The following SMCHD1 variants were observed in gnomAD, a reference collection of about 807,000 sequenced individuals.
SMCHD1 encodes the protein structural maintenance of chromosomes flexible hinge domain containing 1.
Under a neutral mutation model 254.7 loss-of-function variants are expected in SMCHD1, and 78 were observed. The ratio of observed to expected loss-of-function variants is 0.31; its 90% CI spans 0.26 to 0.37. SMCHD1 has a LOEUF of 0.37. Ranked by LOEUF, SMCHD1 falls within the 10% of genes least tolerant of loss-of-function variation. The pLI, the probability that SMCHD1 is intolerant of heterozygous loss-of-function variation, is 1.00. For missense variants in SMCHD1, 1,840 were observed against 2,408.1 expected, an observed-to-expected ratio of 0.76 and a Z score of 4.94; for synonymous variants, 766 against 794.9, an observed-to-expected ratio of 0.96 and a Z score of 0.61.
intron 1 of SMCHD1, among the ~76,000 whole-genome samples, chr18:2,660,281 C>T (rs901051091): frequency 3.9e-5 from 6 of 152,054 alleles, no homozygotes; most frequent in African/African-American, 1.4e-4. Context: ...GCTGAGAACG[C>T]ACCGCTGCAC....
rs1216521311 is a variant in SMCHD1, at chr18:2,804,891, T to C, written c.*2339T>C. On this transcript the variant is annotated 3_prime_UTR_variant, in exon 48 of 48. Transcript: ENST00000320876. ...ATCCTGTGTTATGTGTTATATAATCTGAAATTTGTCACAATGTTACAATCA... is the reference window on the plus strand; with the variant it reads ...ATCCTGTGTTATGTGTTATATAATCCGAAATTTGTCACAATGTTACAATCA... 2 of 152,218 alleles carry C rather than the reference T, an allele frequency of 1.3e-5. No homozygotes were observed. Among genetic ancestry groups the C allele is most frequent in the Admixed American group, 1.3e-4 (2 of 15,290 alleles). The allele number at this position is 152,218 out of a possible 1,614,324, so 9.4% of individuals were successfully genotyped here.
chr18:2,776,024 C>A, intron 42 of SMCHD1, 100 bp downstream of exon 42: 3 of 1,054,208 alleles, frequency 2.8e-6, no homozygotes, highest in Non-Finnish European at 4.0e-6. Flanking sequence ...ATACCTAAAA[C>A]AGAGAATTGA....
At chr18:2,690,640 T>C (rs1046469370) in intron 7 of SMCHD1, among the ~76,000 whole-genome samples, 2 of 149,936 alleles carry the variant, frequency 1.3e-5, no homozygotes, top group Non-Finnish European at 3.0e-5. Context: ...CCTGGCTAAT[T>C]TTTTTCTTTT....
chr18:2,668,677 G>A (rs533078234), intron 3 of SMCHD1, among the ~76,000 whole-genome samples: 14 of 152,110 alleles, frequency 9.2e-5, no homozygotes, highest in Non-Finnish European at 1.0e-4. Flanking sequence ...CCAGAGAGTT[G>A]AATGCATTCG....
chr18:2,732,750 G>A (rs1296387599), intron 25 of SMCHD1, among the ~76,000 whole-genome samples: 2 of 152,066 alleles, frequency 1.3e-5, no homozygotes, highest in Non-Finnish European at 2.9e-5. Flanking sequence ...TTGTTTAGTT[G>A]TGCTCTTCCT....
At chr18:2,786,931 G>GTGAA (rs2076249560) in intron 45 of SMCHD1, among the ~76,000 whole-genome samples, 1 of 148,006 alleles carries the variant, frequency 6.8e-6, no homozygotes, top group African/African-American at 2.4e-5. Flanking sequence ...ACTTCATTGT[G>GTGAA]TGAATGAAAT....
At chr18:2,741,877 A>G (rs1267877803) in intron 28 of SMCHD1, among the ~76,000 whole-genome samples, 1 of 152,150 alleles carries the variant, frequency 6.6e-6, no homozygotes, top group Non-Finnish European at 1.5e-5. Context: ...CTCTCATCTT[A>G]AACAAACAAA....
At chr18:2,701,083 G>C (rs2074388639) in intron 12 of SMCHD1, 165 bp downstream of exon 12, 1 of 483,350 alleles carries the variant, frequency 2.1e-6, no homozygotes, top group Middle Eastern at 5.6e-4. Context: ...AAAATTTAAA[G>C]CTAATTTTTT....
At chr18:2,710,468 C>T (rs940246686) in intron 17 of SMCHD1, among the ~76,000 whole-genome samples, 1 of 152,186 alleles carries the variant, frequency 6.6e-6, no homozygotes, top group South Asian at 2.1e-4. Context: ...ATATGCAGAT[C>T]ACTTTGAGTA....
intron 37 of SMCHD1, among the ~76,000 whole-genome samples, chr18:2,764,386 T>C (rs934033274): frequency 1.3e-5 from 2 of 152,164 alleles, no homozygotes; most frequent in Non-Finnish European, 2.9e-5. Flanking sequence ...AAAAATCTTT[T>C]CTTGTTCAAC....
At chr18:2,690,972 A>C (rs1229581197) in intron 7 of SMCHD1, among the ~76,000 whole-genome samples, 2 of 150,552 alleles carry the variant, frequency 1.3e-5, no homozygotes, top group African/African-American at 2.5e-5. Flanking sequence ...AAAAAAAAAA[A>C]AACCTTTTCT....
intron 45 of SMCHD1, among the ~76,000 whole-genome samples, chr18:2,794,663 G>C (rs2076226554): frequency 6.6e-6 from 1 of 152,020 alleles, no homozygotes; most frequent in Non-Finnish European, 1.5e-5. Context: ...ATACTTTTTT[G>C]GAATTTCAAA....
In SMCHD1 at chr18:2,747,148, T is replaced by C. The variant is rs143569129; in HGVS notation, c.3802-374T>C. Among the ~76,000 whole-genome samples, 559 of 152,308 alleles carry C rather than the reference T, an allele frequency of 3.7e-3. 2 individuals carry two copies. The highest frequency in any genetic ancestry group is 0.013 in the African/African-American group (526 of 41,566). The stretch of plus-strand genomic sequence containing the variant: ...TTCTAGTGCTTACATAGCATTTGCG[T>C]TGTATTAGATGTTAAAAGTAATCTA... On this transcript the variant is annotated intron_variant, in intron 29 of 47. Transcript: ENST00000320876.
Position 2,673,291 on chromosome 18 carries a change from T to C in SMCHD1, c.435T>C (p.Leu145=), listed in dbSNP as rs1321956807. ...CTTGATCTCTTGCAGCATTTGCTCT[T>C]GCGGAATTAATTGACAATTCATTGT... ...SEGQNPLPFA[L]AELIDNSLSA... The change falls in exon 4 of 48, where the codon CTT becomes CTC. Residue 145 remains leucine, a synonymous_variant. Transcript: ENST00000320876. 1 of 1,594,910 alleles carries C rather than the reference T, an allele frequency of 6.3e-7. No homozygotes were observed. The highest frequency in any genetic ancestry group is 8.6e-7 in the Non-Finnish European group (1 of 1,166,452).
At chr18:2,725,781 A>G (rs1224197407) in intron 21 of SMCHD1, among the ~76,000 whole-genome samples, 1 of 151,944 alleles carries the variant, frequency 6.6e-6, no homozygotes, top group Non-Finnish European at 1.5e-5. Context: ...TGAAATTCAC[A>G]GAAAATTTGA....
At chr18:2,780,541 T>C (rs925524281) in intron 44 of SMCHD1, among the ~76,000 whole-genome samples, 2 of 152,076 alleles carry the variant, frequency 1.3e-5, no homozygotes, top group African/African-American at 4.8e-5. Flanking sequence ...GGTGAGAAGC[T>C]TGCTGGTAAG....
At chr18:2,775,603 C>T in intron 41 of SMCHD1, 131 bp from the exon 42 acceptor site, 1 of 629,354 alleles carries the variant, frequency 1.6e-6, no homozygotes. Flanking sequence ...AAGTTTTTGA[C>T]AACTTGACAG....
At chr18:2,772,130 C>A in intron 40 of SMCHD1, 120 bp from the exon 41 acceptor site, 3 of 763,538 alleles carry the variant, frequency 3.9e-6, no homozygotes, top group Non-Finnish European at 5.3e-6. Context: ...TTAATAATGC[C>A]TACTTACCAA....
At chr18:2,717,375 C>G (rs940544406) in intron 17 of SMCHD1, among the ~76,000 whole-genome samples, 1 of 152,058 alleles carries the variant, frequency 6.6e-6, no homozygotes, top group African/African-American at 2.4e-5. Flanking sequence ...GAGACAAGGT[C>G]TTACTCTGTT....
Sources: gnomAD v4.1 joint callset for allele counts (sites outside exome capture counted in the v4.1 genomes callset) on GRCh38, gnomAD v4.1.1 for gene constraint, MANE v1.5 for transcripts, NCBI Gene and HGNC (gene_info 2026-07-23, HGNC 2026-07-21) for gene names.